NHSL1: variants seen among roughly 807,000 people sequenced by gnomAD.
The protein encoded by NHSL1 is NHS-like protein 1.
In NHSL1, 48 loss-of-function variants were observed where a neutral mutation model predicts 95.0. The ratio of observed to expected loss-of-function variants is 0.51; its 90% confidence interval spans 0.40 to 0.64. The LOEUF (loss-of-function observed/expected upper bound fraction) is 0.64. Ranked by LOEUF, NHSL1 falls within the 30% of genes least tolerant of loss-of-function variation. The pLI, the probability that NHSL1 is intolerant of heterozygous loss-of-function variation, is 0.00. For synonymous variants in NHSL1, 783 were observed against 833.9 expected (o/e 0.94, Z 1.05); for missense variants, 1,971 against 2,077.7 (o/e 0.95, Z 1.00).
At chr6:138,633,182 C>T (rs1326480862) in intron 1 of NHSL1, among the ~76,000 whole-genome samples, 1 of 152,060 alleles carries the variant, frequency 6.6e-6, no homozygotes, top group African/African-American at 2.4e-5. Context: ...AACAATGAAG[C>T]ATGCCTACAG....
At chr6:138,426,187 A>G (rs1583125508) in intron 7 of NHSL1, among the ~76,000 whole-genome samples, 1 of 152,228 alleles carries the variant, frequency 6.6e-6, no homozygotes, top group East Asian at 1.9e-4. Context: ...AGACGTGGGT[A>G]TATCTCTTTT....
intron 1 of NHSL1, among the ~76,000 whole-genome samples, chr6:138,510,578 A>G (rs1781174227): frequency 1.3e-5 from 2 of 152,198 alleles, no homozygotes; most frequent in South Asian, 2.1e-4. Flanking sequence ...TTTTAGAATT[A>G]ATGGCAGAAG....
At chr6:138,543,243 A>G (rs1442824711) in intron 1 of NHSL1, among the ~76,000 whole-genome samples, 2 of 152,236 alleles carry the variant, frequency 1.3e-5, no homozygotes, top group African/African-American at 4.8e-5. Flanking sequence ...ACCTTAGCTG[A>G]ACTTCGCAGA....
chr6:138,629,452 G>A (rs984807885), intron 1 of NHSL1, among the ~76,000 whole-genome samples: 5 of 151,110 alleles, frequency 3.3e-5, no homozygotes, highest in Admixed American at 6.6e-5. Flanking sequence ...TCGCGATCTC[G>A]GCTCACTGCA....
chr6:138,434,249 C>G (rs952639462), intron 5 of NHSL1, among the ~76,000 whole-genome samples: 8 of 152,128 alleles, frequency 5.3e-5, no homozygotes, highest in Non-Finnish European at 1.2e-4. Context: ...ATTTCATTAT[C>G]CATCTGAAGC....
At chr6:138,503,226 T>C (rs1406261358), upstream of NHSL1, among the ~76,000 whole-genome samples, 2 of 152,236 alleles carry the variant, frequency 1.3e-5, no homozygotes, top group African/African-American at 4.8e-5. Flanking sequence ...ATCCTCTTCA[T>C]TGACACTGCA....
At chr6:138,639,063 C>G (rs1007452140) in intron 1 of NHSL1, among the ~76,000 whole-genome samples, 1 of 152,164 alleles carries the variant, frequency 6.6e-6, no homozygotes, top group Admixed American at 6.5e-5. Context: ...TTCATACTTA[C>G]ATCAGAATTA....
chr6:138,545,910 G>C, upstream of NHSL1: 6 of 831,454 alleles, frequency 7.2e-6, no homozygotes, highest in Non-Finnish European at 8.7e-6. Flanking sequence ...AGCAGTCACC[G>C]TTCATATAGT....
At chr6:138,592,632 AC>A (rs1784247387) in intron 1 of NHSL1, among the ~76,000 whole-genome samples, 1 of 151,272 alleles carries the variant, frequency 6.6e-6, no homozygotes, top group Non-Finnish European at 1.5e-5. Context: ...AAAACAAAAA[AC>A]AACAACAAAA....
At chr6:138,613,588 T>C (rs1287794202) in intron 1 of NHSL1, among the ~76,000 whole-genome samples, 3 of 152,146 alleles carry the variant, frequency 2.0e-5, no homozygotes, top group Non-Finnish European at 4.4e-5. Context: ...AAATCCCCCA[T>C]GGCCATGCCA....
rs1396812351 is a variant in NHSL1, at chr6:138,423,270, T to A, written c.*811A>T. ...TTCCCCTCTCTCTATGTCCACACCATCACTTCAGTTGTCAATGACCTCAGC... is the reference window on the plus strand; with the variant it reads ...TTCCCCTCTCTCTATGTCCACACCAACACTTCAGTTGTCAATGACCTCAGC... On this transcript the variant is annotated 3_prime_UTR_variant, in exon 8 of 8. Transcript: ENST00000343505. 6.6e-6 allele frequency: 1 copy of A among 152,154 alleles called. No homozygotes were observed. Among genetic ancestry groups the A allele is most frequent in the Non-Finnish European group, 1.5e-5 (1 of 68,028 alleles). The allele number at this position is 152,154 out of a possible 1,614,324, so 9.4% of individuals were successfully genotyped here. A position where few individuals can be genotyped will look rare whatever the true frequency, so the allele number is the denominator to read the frequency against.
intron 1 of NHSL1, among the ~76,000 whole-genome samples, chr6:138,595,281 G>A (rs1784288592): frequency 6.6e-6 from 1 of 152,230 alleles, no homozygotes; most frequent in Non-Finnish European, 1.5e-5. Flanking sequence ...AGAGTTAAAA[G>A]TAAAGATATA....
At chr6:138,454,767 C>T (rs1294723063) in intron 3 of NHSL1, among the ~76,000 whole-genome samples, 1 of 152,218 alleles carries the variant, frequency 6.6e-6, no homozygotes, top group Non-Finnish European at 1.5e-5. Context: ...TCTAATCTCT[C>T]CAAGATACAG....
At chr6:138,655,775 A>C (rs1272519265) in intron 1 of NHSL1, among the ~76,000 whole-genome samples, 1 of 152,204 alleles carries the variant, frequency 6.6e-6, no homozygotes, top group Non-Finnish European at 1.5e-5. Context: ...AAAATCAACA[A>C]AATAATAAAA....
At position 138,437,311 on chromosome 6, in the gene NHSL1, TATATATATACACACACAC is replaced by T. The variant is rs1562269932; in HGVS notation, c.665-3649_665-3632del. Among the ~76,000 whole-genome samples the T allele has an allele frequency of 4.8e-3, 591 of 122,008 alleles. 30 individuals carry two copies. Among genetic ancestry groups the T allele is most frequent in the African/African-American group, 0.02 (555 of 28,448 alleles). The allele number at this position is 122,008 out of a possible 152,430, so 80.0% of individuals were successfully genotyped here. A position where few individuals can be genotyped will look rare whatever the true frequency, so the allele number is the denominator to read the frequency against. On this transcript the variant is annotated intron_variant, in intron 5 of 7. Transcript: ENST00000343505. ...ATACACAAATGTATATATATATATA[TATATATATACACACACAC>T]ATATATATATATACACATATATATA... is the stretch of plus-strand genomic sequence containing the variant.
chr6:138,573,424 G>A (rs76893802), upstream of NHSL1, among the ~76,000 whole-genome samples: 12,983 of 152,134 alleles, frequency 0.085, 528 homozygotes, highest in Middle Eastern at 0.14. Flanking sequence ...ACTCAGCATC[G>A]ATCAGATACA....
At chr6:138,496,554 T>C (rs1340766127) in intron 1 of NHSL1, among the ~76,000 whole-genome samples, 183 bp from the exon 2 acceptor site, 1 of 152,178 alleles carries the variant, frequency 6.6e-6, no homozygotes, top group Non-Finnish European at 1.5e-5. Flanking sequence ...GTTTTACTTA[T>C]AAAAGAAAAG....
intron 1 of NHSL1, among the ~76,000 whole-genome samples, chr6:138,594,624 C>A (rs143791434): frequency 6.6e-6 from 1 of 152,116 alleles, no homozygotes; most frequent in East Asian, 1.9e-4. Context: ...TAAGCAGCAC[C>A]GAGAGCTGAA....
intron 3 of NHSL1, among the ~76,000 whole-genome samples, chr6:138,455,129 A>C (rs1777498061): frequency 6.6e-6 from 1 of 152,236 alleles, no homozygotes; most frequent in Non-Finnish European, 1.5e-5. Flanking sequence ...TGGAATAAGA[A>C]GGTGCCATAA....
Sources: gnomAD v4.1 joint callset for allele counts (sites outside exome capture counted in the v4.1 genomes callset) on GRCh38, gnomAD v4.1.1 for gene constraint, MANE v1.5 for transcripts, NCBI Gene and HGNC (gene_info 2026-07-23, HGNC 2026-07-21) for gene names.